Variants in GBF1 observed in about 807,000 individuals in gnomAD.
The protein encoded by GBF1 is golgi brefeldin A resistant guanine nucleotide exchange factor 1.
A neutral mutation model predicts 210.5 loss-of-function variants in GBF1; 114 were observed. The ratio of observed to expected loss-of-function variants is 0.54; its 90% CI spans 0.47 to 0.63. The LOEUF (loss-of-function observed/expected upper bound fraction) is 0.63. Among genes scored for constraint, GBF1 ranks in the 30% least tolerant of loss-of-function variants. The probability of loss-of-function intolerance (pLI) is 0.00; values close to 1 mark genes in which losing one functional copy is unlikely to be tolerated. For missense variants in GBF1, 1,851 were observed against 2,357.7 expected, an observed-to-expected ratio of 0.79 and a Z score of 4.45; for synonymous variants, 850 against 889.2, an observed-to-expected ratio of 0.96 and a Z score of 0.78.
Position 102,381,135 on chromosome 10 carries a change from C to G in GBF1, c.5182C>G (p.Pro1728Ala). 1 of 1,613,838 alleles carries G rather than the reference C, an allele frequency of 6.2e-7. No individual in the cohort carries two copies. The highest frequency in any genetic ancestry group is 8.5e-7 in the Non-Finnish European group (1 of 1,179,822). ...TTCTCTACCGTCTCCAGACCCCATG[C>G]CCATGGAGCCTCAAGGCCAAAAGCC... ...FKQTVIQDPM[P>A]MEPQGQKPLA... is the part of the protein sequence containing the mutation. The change falls in exon 39 of 40, where the codon CCC becomes GCC. Residue 1728 changes from proline (P) to alanine (A), a missense_variant. Physicochemically the swap from Pro to Ala is conservative, Grantham distance 27 (BLOSUM62 -1). This residue lies in a region of GBF1 where 967 missense variants were observed against 1,247.7 expected (regional missense o/e 0.78). Coordinates refer to ENST00000369983, the MANE Select transcript of GBF1 (RefSeq NM_001377137.1).
intron 3 of GBF1, among the ~76,000 whole-genome samples, chr10:102,331,249 A>G (rs886901084): frequency 2.6e-5 from 4 of 152,068 alleles, no homozygotes; most frequent in African/African-American, 9.7e-5. Flanking sequence ...GTCATCTTGA[A>G]CCTTTTTGCA....
chr10:102,314,007 A>G (rs1160227573), intron 3 of GBF1, among the ~76,000 whole-genome samples: 1 of 152,172 alleles, frequency 6.6e-6, no homozygotes. Flanking sequence ...AGCGTATGTC[A>G]GGAACAGGGA....
chr10:102,297,119 A>G (rs2076972229), intron 3 of GBF1, among the ~76,000 whole-genome samples: 1 of 152,074 alleles, frequency 6.6e-6, no homozygotes, highest in African/African-American at 2.4e-5. Context: ...ATGAGGCAGG[A>G]CTGGAAAAAT....
chr10:102,362,045 C>CTTT, intron 14 of GBF1, 133 bp downstream of exon 14: 2 of 259,004 alleles, frequency 7.7e-6, no homozygotes, highest in Non-Finnish European at 1.4e-5. Flanking sequence ...ATTTTCTTTT[C>CTTT]TTTTCTTTTT....
chr10:102,378,860 G>A (rs1565187862), intron 33 of GBF1, among the ~76,000 whole-genome samples: 1 of 152,092 alleles, frequency 6.6e-6, no homozygotes, highest in Non-Finnish European at 1.5e-5. Flanking sequence ...CCTGAGCCCA[G>A]GAGTTCGAGG....
chr10:102,306,285 A>G lies in GBF1; in HGVS notation c.164-37766A>G, dbSNP rs140205940. Among the ~76,000 whole-genome samples the G allele has an allele frequency of 1.8e-3, 274 of 152,320 alleles. 1 individual carries two copies. Among genetic ancestry groups the G allele is most frequent in the African/African-American group, 5.9e-3 (246 of 41,578 alleles). On this transcript the variant is annotated intron_variant, in intron 3 of 39. Transcript: ENST00000369983. ...TTAATTCAGTTTTAATAGAAGTGGG[A>G]AATCATTCATTGAAGGTTTCTGAGC...
chr10:102,287,401 T>C lies in GBF1; in HGVS notation c.163+27285T>C, dbSNP rs1013697879. On this transcript the variant is annotated intron_variant, in intron 3 of 39. Transcript: ENST00000369983. ...TGAGGTCTCACTGTGTTTCCCAGGCTAGTCTCAAACTCCTGGGCTCAAGTG... is the reference window on the plus strand; with the variant it reads ...TGAGGTCTCACTGTGTTTCCCAGGCCAGTCTCAAACTCCTGGGCTCAAGTG... Among the ~76,000 whole-genome samples, 3 of 131,862 alleles carry C rather than the reference T, an allele frequency of 2.3e-5. No individual in the cohort carries two copies. In the East Asian group the frequency reaches 7.7e-4, roughly 34 times the overall value. 86.5% of individuals were successfully genotyped at this position (131,862 alleles called of 152,430 possible). A position where few individuals can be genotyped will look rare whatever the true frequency, so the allele number is the denominator to read the frequency against.
At chr10:102,361,253 C>G in intron 13 of GBF1, 133 bp downstream of exon 13, 1 of 649,042 alleles carries the variant, frequency 1.5e-6, no homozygotes, top group Non-Finnish European at 2.8e-6. Flanking sequence ...TTTTAGCCTC[C>G]AGAGTTCGGT....
chr10:102,364,685 C>T (rs976339127), intron 17 of GBF1, among the ~76,000 whole-genome samples: 26 of 151,590 alleles, frequency 1.7e-4, no homozygotes, highest in Non-Finnish European at 2.9e-4. Flanking sequence ...CCCGTCTCTA[C>T]TAAAAATACA....
chr10:102,362,277 C>T (rs1450126046), intron 14 of GBF1, among the ~76,000 whole-genome samples, 198 bp from the exon 15 acceptor site: 7 of 151,740 alleles, frequency 4.6e-5, no homozygotes, highest in African/African-American at 9.7e-5. Context: ...AGGATGGTCT[C>T]GATCTCCTGA....
intron 3 of GBF1, among the ~76,000 whole-genome samples, chr10:102,335,616 A>G (rs1189970945): frequency 2.0e-5 from 3 of 152,148 alleles, no homozygotes; most frequent in South Asian, 2.1e-4. Flanking sequence ...TTGGAGTTGG[A>G]TGGACCTGGA....
chr10:102,245,927 T>C (rs1389280112), intron 1 of GBF1, 146 bp downstream of exon 1: 3 of 152,390 alleles, frequency 2.0e-5, no homozygotes, highest in African/African-American at 7.2e-5. Context: ...GGAAGGGTTG[T>C]TGTGGGAGGG....
intron 3 of GBF1, among the ~76,000 whole-genome samples, chr10:102,267,101 CTGTT>C (rs2073940856): frequency 6.6e-6 from 1 of 152,212 alleles, no homozygotes; most frequent in African/African-American, 2.4e-5. Context: ...AGAAAAGAAA[CTGTT>C]TGAGAATGCC....
chr10:102,234,274 C>G, the GBF1 span, among the ~76,000 whole-genome samples: 3 of 152,162 alleles, frequency 2.0e-5, no homozygotes, highest in South Asian at 2.1e-4. Flanking sequence ...ACTCCCCACC[C>G]CACCTCTCAA....
At chr10:102,349,893 TC>T (rs1478927759) in intron 4 of GBF1, among the ~76,000 whole-genome samples, 2 of 152,160 alleles carry the variant, frequency 1.3e-5, no homozygotes, top group Non-Finnish European at 2.9e-5. Flanking sequence ...CTCTAGCTTC[TC>T]CCCTCTTATT....
intron 3 of GBF1, among the ~76,000 whole-genome samples, chr10:102,319,885 C>T (rs748444733): frequency 1.3e-5 from 2 of 151,792 alleles, no homozygotes; most frequent in Non-Finnish European, 2.9e-5. Flanking sequence ...CCTGCCACCA[C>T]GCCCAACTAA....
the GBF1 span, among the ~76,000 whole-genome samples, chr10:102,233,545 C>T: frequency 6.6e-6 from 1 of 152,298 alleles, no homozygotes; most frequent in East Asian, 1.9e-4. Context: ...CGCAGGTGAT[C>T]TGCCTGCCTC....
chr10:102,262,889 T>C (rs1021449112), intron 3 of GBF1, among the ~76,000 whole-genome samples: 2 of 152,172 alleles, frequency 1.3e-5, no homozygotes, highest in Non-Finnish European at 2.9e-5. Flanking sequence ...CAGGAGCCAT[T>C]TCTCTCATTG....
Position 102,369,441 on chromosome 10 carries a change from G to T in GBF1, c.3150+54G>T, listed in dbSNP as rs143064666. On this transcript the variant is annotated intron_variant, in intron 24 of 39. Transcript: ENST00000369983. ...ATAACAAGGCAAGAGCTGCAACATT[G>T]TATGCTACCTGTACATAGAAGTAAG... 1,627 of 1,352,784 alleles carry T rather than the reference G, an allele frequency of 1.2e-3. 1 individual carries two copies. The highest frequency in any genetic ancestry group is 1.5e-3 in the Non-Finnish European group (1,473 of 950,340). 83.8% of individuals were successfully genotyped at this position (1,352,784 alleles called of 1,614,324 possible). A position where few individuals can be genotyped will look rare whatever the true frequency, so the allele number is the denominator to read the frequency against.
Sources: gnomAD v4.1 joint callset for allele counts (sites outside exome capture counted in the v4.1 genomes callset) on GRCh38, gnomAD v4.1.1 for gene constraint, gnomAD v4.1.1 regional missense constraint, MANE v1.5 for transcripts, NCBI Gene and HGNC (gene_info 2026-07-23, HGNC 2026-07-21) for gene names.